The following CDK14 variants were observed in gnomAD, a reference collection of about 807,000 sequenced individuals.
CDK14 encodes the protein cyclin dependent kinase 14.
In CDK14, 34 loss-of-function variants were observed where a neutral mutation model predicts 60.7. The observed-to-expected ratio is 0.56, with a 90% confidence interval of 0.43 to 0.75. CDK14 has a LOEUF of 0.75. Ranked by LOEUF, CDK14 falls within the 30% of genes least tolerant of loss-of-function variation. CDK14 has a pLI of 0.00. For synonymous variants in CDK14, 197 were observed against 203.7 expected, an observed-to-expected ratio of 0.97 and a Z score of 0.28; for missense variants, 482 against 564.1, an observed-to-expected ratio of 0.85 and a Z score of 1.47.
intron 5 of CDK14, among the ~76,000 whole-genome samples, chr7:90,815,056 G>A (rs1257241599): frequency 1.3e-5 from 2 of 151,950 alleles, no homozygotes; most frequent in Non-Finnish European, 1.5e-5. Flanking sequence ...CATTTTTGTT[G>A]TTGTTGTTTT....
At chr7:90,776,732 A>T (rs1237165130) in intron 4 of CDK14, among the ~76,000 whole-genome samples, 3 of 152,198 alleles carry the variant, frequency 2.0e-5, no homozygotes, top group East Asian at 3.9e-4. Context: ...TGGAGTTCTG[A>T]TTGAAGACTT....
chr7:90,904,077 C>T (rs1792613440), intron 7 of CDK14, among the ~76,000 whole-genome samples: 3 of 152,026 alleles, frequency 2.0e-5, no homozygotes, highest in Non-Finnish European at 4.4e-5. Flanking sequence ...CCTCAGTCTG[C>T]CAGCAGGGGA....
intron 11 of CDK14, among the ~76,000 whole-genome samples, chr7:91,057,194 G>C (rs1451491550): frequency 6.6e-6 from 1 of 152,156 alleles, no homozygotes; most frequent in Non-Finnish European, 1.5e-5. Flanking sequence ...CCTTTTGGCT[G>C]CATAAATGTC....
chr7:91,053,132 T>C (rs1441407574), intron 11 of CDK14, among the ~76,000 whole-genome samples: 3 of 152,230 alleles, frequency 2.0e-5, no homozygotes, highest in Non-Finnish European at 4.4e-5. Context: ...AATACTATGG[T>C]GATAACACCT....
intron 8 of CDK14, among the ~76,000 whole-genome samples, chr7:90,922,031 T>C (rs1004610563): frequency 1.3e-5 from 2 of 152,184 alleles, no homozygotes; most frequent in Admixed American, 6.5e-5. Flanking sequence ...TCACCTTCTT[T>C]CAGATGCAGA....
intron 14 of CDK14, among the ~76,000 whole-genome samples, chr7:91,175,490 T>C (rs1488768919): frequency 6.6e-6 from 1 of 151,932 alleles, no homozygotes; most frequent in Non-Finnish European, 1.5e-5. Flanking sequence ...GACTAAATGC[T>C]CCAATTGAAA....
At chr7:90,712,337 A>C (rs554159544) in intron 2 of CDK14, among the ~76,000 whole-genome samples, 1 of 151,594 alleles carries the variant, frequency 6.6e-6, no homozygotes, top group Non-Finnish European at 1.5e-5. Context: ...ATCTTATTCT[A>C]CTTTCTGTGT....
chr7:91,188,182 A>AT lies in CDK14; in HGVS notation c.*29-18974dup, dbSNP rs200585869. On this transcript the variant is annotated intron_variant, in intron 14 of 14. Transcript: ENST00000380050. ...CTTCTGCATGGTTACTGTGTGATTCATTTTTTTTTAAAAAAAAAGAACTTT... is the reference window on the plus strand; with the variant it reads ...CTTCTGCATGGTTACTGTGTGATTCATTTTTTTTTTAAAAAAAAAGAACTTT... 5.6e-3 allele frequency among the ~76,000 whole-genome samples: 849 copies of AT among 151,618 alleles called. 14 individuals are homozygous for AT. The highest frequency in any genetic ancestry group is 0.018 in the African/African-American group (755 of 41,146).
chr7:90,804,527 G>C (rs1410002043), intron 5 of CDK14, among the ~76,000 whole-genome samples: 1 of 152,120 alleles, frequency 6.6e-6, no homozygotes, highest in Non-Finnish European at 1.5e-5. Flanking sequence ...AAATCCATGA[G>C]TCTAGACTGT....
intron 2 of CDK14, among the ~76,000 whole-genome samples, chr7:90,631,492 A>G (rs1335691316): frequency 3.3e-5 from 5 of 152,194 alleles, no homozygotes; most frequent in Non-Finnish European, 5.9e-5. Context: ...CTTTCTGGGA[A>G]GCAGTTAAGA....
At chr7:91,090,896 T>C (rs1017594696) in intron 12 of CDK14, among the ~76,000 whole-genome samples, 2 of 152,080 alleles carry the variant, frequency 1.3e-5, no homozygotes, top group Non-Finnish European at 2.9e-5. Flanking sequence ...TGTTTGTATC[T>C]AGTGTTCCTA....
At chr7:90,995,857 G>A (rs1795669306) in intron 10 of CDK14, among the ~76,000 whole-genome samples, 1 of 152,164 alleles carries the variant, frequency 6.6e-6, no homozygotes, top group Non-Finnish European at 1.5e-5. Flanking sequence ...CTCAGGGGAT[G>A]GGACATCCCT....
Position 90,640,037 on chromosome 7 carries a change from C to G in CDK14, c.123+35788C>G, listed in dbSNP as rs1397764142. Reference sequence around the variant, plus strand: ...TGCTGTCTGTCACCCCTTTCCTTGACCAGGAAAGGGAACTCCCTGACCCCT... The same window carrying G: ...TGCTGTCTGTCACCCCTTTCCTTGAGCAGGAAAGGGAACTCCCTGACCCCT... On this transcript the variant is annotated intron_variant, in intron 2 of 14. Transcript: ENST00000380050. Among the ~76,000 whole-genome samples the G allele has an allele frequency of 4.6e-5, 7 of 152,158 alleles. No individual in the cohort carries two copies. The South Asian group carries it at 1.0e-3, about 23-fold the overall frequency.
At chr7:90,845,675 T>G (rs1368886838) in intron 5 of CDK14, among the ~76,000 whole-genome samples, 1 of 152,200 alleles carries the variant, frequency 6.6e-6, no homozygotes, top group Non-Finnish European at 1.5e-5. Flanking sequence ...GTACATTGTA[T>G]TATTCGTATC....
chr7:90,691,205 G>C (rs1455547045), intron 2 of CDK14, among the ~76,000 whole-genome samples: 2 of 152,076 alleles, frequency 1.3e-5, no homozygotes, highest in East Asian at 3.9e-4. Flanking sequence ...GGGTACAACT[G>C]TGGACAAAAC....
At chr7:90,634,281 C>T (rs888403843) in intron 2 of CDK14, among the ~76,000 whole-genome samples, 1 of 105,164 alleles carries the variant, frequency 9.5e-6, no homozygotes, top group Non-Finnish European at 1.8e-5. Context: ...GCTGTCCCTC[C>T]CCCCTCCCCC....
chr7:90,725,026 A>G (rs1488574394), intron 2 of CDK14, among the ~76,000 whole-genome samples: 1 of 152,086 alleles, frequency 6.6e-6, no homozygotes, highest in Non-Finnish European at 1.5e-5. Flanking sequence ...GTATGATAAT[A>G]TTTTTCTCAT....
chr7:90,653,878 T>C, intron 2 of CDK14, among the ~76,000 whole-genome samples: 1 of 152,174 alleles, frequency 6.6e-6, no homozygotes, highest in Non-Finnish European at 1.5e-5. Flanking sequence ...CCAAGTGTTC[T>C]CATTGTTCAA....
At chr7:90,752,717 A>G (rs777979033) in intron 4 of CDK14, among the ~76,000 whole-genome samples, 16 of 152,140 alleles carry the variant, frequency 1.1e-4, no homozygotes, top group Admixed American at 2.0e-4. Context: ...AATGAAATCA[A>G]AAGTTGGTTC....
Sources: allele counts gnomAD v4.1 joint callset (sites outside exome capture counted in the v4.1 genomes callset), GRCh38; gene constraint gnomAD v4.1.1; transcripts MANE v1.5; gene names NCBI Gene and HGNC (gene_info 2026-07-23, HGNC 2026-07-21).